Variants in CRB1 observed in about 807,000 individuals in gnomAD.
CRB1 encodes the protein crumbs cell polarity complex component 1.
In CRB1, 83 loss-of-function variants were observed where a neutral mutation model predicts 120.0. The ratio of observed to expected loss-of-function variants is 0.69; its 90% CI spans 0.58 to 0.83. The LOEUF (loss-of-function observed/expected upper bound fraction) is 0.83, where lower values mean the gene tolerates loss of function less well. Among genes scored for constraint, CRB1 ranks in the 40% least tolerant of loss-of-function variants. The pLI, the probability that CRB1 is intolerant of heterozygous loss-of-function variation, is 0.00. For missense variants in CRB1, 1,699 were observed against 1,687.6 expected (o/e 1.01, Z -0.12); for synonymous variants, 625 against 612.5 (o/e 1.02, Z -0.30).
intron 1 of CRB1, among the ~76,000 whole-genome samples, chr1:197,305,610 C>T (rs1657121035): frequency 1.3e-5 from 2 of 151,796 alleles, no homozygotes; most frequent in East Asian, 3.9e-4. Flanking sequence ...TTATGAGCGT[C>T]CTTTTACAGC....
intron 5 of CRB1, among the ~76,000 whole-genome samples, chr1:197,367,569 T>G (rs1398826265): frequency 1.3e-5 from 2 of 152,208 alleles, no homozygotes. Context: ...CCAAGTGAAA[T>G]TGGAAACAAT....
chr1:197,342,464 G>T (rs75281634), intron 2 of CRB1, among the ~76,000 whole-genome samples: 2,319 of 152,102 alleles, frequency 0.015, 60 homozygotes, highest in African/African-American at 0.052. Context: ...CCTTCTTCTC[G>T]TCTAGCTGTA....
chr1:197,219,350 C>G, the CRB1 span, among the ~76,000 whole-genome samples: 2 of 152,198 alleles, frequency 1.3e-5, no homozygotes, highest in African/African-American at 4.8e-5. Flanking sequence ...TAATCCACCA[C>G]TTACTGTTTT....
chr1:197,459,226 A>G (rs1437914192), intron 11 of CRB1, among the ~76,000 whole-genome samples: 1 of 152,132 alleles, frequency 6.6e-6, no homozygotes, highest in Non-Finnish European at 1.5e-5. Flanking sequence ...GAGAAGAAAG[A>G]ATCATTCTAT....
Position 197,435,479 on chromosome 1 carries a change from T to C in CRB1, c.3616T>C (p.Tyr1206His). The change falls in exon 9 of 12, where the codon TAC (tyrosine) becomes CAC (histidine). Residue 1206 changes from tyrosine to histidine, a missense_variant. By Grantham distance (83) the Tyr-to-His change is moderately conservative (BLOSUM62 2). Coordinates refer to ENST00000367400, the MANE Select transcript of CRB1 (RefSeq NM_201253.3). Reference sequence around the variant, plus strand: ...CTACCACTGCACATGTGAGCCTGGATACACTGGTGTGAACTGTGAAGTGGA... The same window carrying C: ...CTACCACTGCACATGTGAGCCTGGACACACTGGTGTGAACTGTGAAGTGGA... ...AAYHCTCEPG[Y>H]TGVNCEVDID... 1.2e-6 allele frequency: 2 copies of C among 1,603,268 alleles called. No homozygotes were observed. Among genetic ancestry groups the C allele is most frequent in the Non-Finnish European group, 1.7e-6 (2 of 1,174,382 alleles).
the CRB1 span, among the ~76,000 whole-genome samples, chr1:197,218,746 A>G: frequency 3.3e-5 from 5 of 152,214 alleles, no homozygotes; most frequent in Admixed American, 1.3e-4. Context: ...TTATTTTTAC[A>G]TTAATTTGAA....
At chr1:197,235,096 GC>G in the CRB1 span, among the ~76,000 whole-genome samples, 1 of 152,182 alleles carries the variant, frequency 6.6e-6, no homozygotes, top group Non-Finnish European at 1.5e-5. Context: ...GAAGTATATG[GC>G]ACTATGTCCC....
chr1:197,379,446 C>A (rs1454713957), intron 5 of CRB1, among the ~76,000 whole-genome samples: 1 of 151,450 alleles, frequency 6.6e-6, no homozygotes, highest in Admixed American at 6.6e-5. Context: ...ACTACAGGCT[C>A]CCGCCACCAC....
At chr1:197,401,331 T>C (rs1324775644) in intron 5 of CRB1, among the ~76,000 whole-genome samples, 2 of 152,172 alleles carry the variant, frequency 1.3e-5, no homozygotes, top group Non-Finnish European at 2.9e-5. Flanking sequence ...AAAAACATTT[T>C]TTAAATGTTT....
chr1:197,370,349 G>T (rs6664399), intron 5 of CRB1, among the ~76,000 whole-genome samples: 23 of 152,154 alleles, frequency 1.5e-4, no homozygotes, highest in African/African-American at 5.5e-4. Flanking sequence ...TTTACAGAAC[G>T]TTCTACCCAA....
chr1:197,320,490 T>A (rs1658126108), intron 1 of CRB1, among the ~76,000 whole-genome samples: 1 of 152,142 alleles, frequency 6.6e-6, no homozygotes, highest in Non-Finnish European at 1.5e-5. Flanking sequence ...AGCAAAGGCC[T>A]CCATTTCATA....
At chr1:197,354,291 A>T (rs1660296080) in intron 4 of CRB1, among the ~76,000 whole-genome samples, 2 of 152,226 alleles carry the variant, frequency 1.3e-5, no homozygotes, top group South Asian at 4.1e-4. Context: ...CTCTAGGCAT[A>T]AACTGTAGGG....
At chr1:197,276,542 A>G (rs906682161) in intron 1 of CRB1, among the ~76,000 whole-genome samples, 2 of 151,896 alleles carry the variant, frequency 1.3e-5, no homozygotes, top group African/African-American at 4.8e-5. Context: ...CAAAAACCAA[A>G]TAAATAAGTA....
intron 9 of CRB1, among the ~76,000 whole-genome samples, chr1:197,436,409 G>A (rs1327589998): frequency 6.6e-6 from 1 of 151,802 alleles, no homozygotes; most frequent in Non-Finnish European, 1.5e-5. Context: ...AGAGGTGAAA[G>A]AACATCCACA....
the CRB1 span, among the ~76,000 whole-genome samples, chr1:197,239,997 C>T: frequency 6.6e-6 from 1 of 151,412 alleles, no homozygotes; most frequent in East Asian, 1.9e-4. Context: ...CTTTATGCCC[C>T]CTTACTCTCC....
At chr1:197,283,459 C>T (rs1180235949) in intron 1 of CRB1, among the ~76,000 whole-genome samples, 1 of 151,768 alleles carries the variant, frequency 6.6e-6, no homozygotes, top group Non-Finnish European at 1.5e-5. Flanking sequence ...GTCCTCATAG[C>T]TTAGCTCCCA....
chr1:197,286,330 T>C (rs764799866), intron 1 of CRB1, among the ~76,000 whole-genome samples: 2 of 151,892 alleles, frequency 1.3e-5, no homozygotes, highest in African/African-American at 2.4e-5. Flanking sequence ...ACTCCTGCAA[T>C]GTACCTGTTA....
At chr1:197,455,035 T>C (rs964440352) in intron 11 of CRB1, among the ~76,000 whole-genome samples, 4 of 152,198 alleles carry the variant, frequency 2.6e-5, no homozygotes, top group African/African-American at 9.7e-5. Flanking sequence ...ATGTTGGTTA[T>C]GACAAGGTTG....
chr1:197,353,630 G>A (rs553913922), intron 4 of CRB1, among the ~76,000 whole-genome samples: 7 of 151,656 alleles, frequency 4.6e-5, no homozygotes, highest in East Asian at 3.9e-4. Flanking sequence ...GTGAAACTTC[G>A]TCTCTACTAA....
Sources: allele counts gnomAD v4.1 joint callset (sites outside exome capture counted in the v4.1 genomes callset), GRCh38; gene constraint gnomAD v4.1.1; transcripts MANE v1.5; gene names NCBI Gene and HGNC (gene_info 2026-07-23, HGNC 2026-07-21).